Variants in PTPRG observed in about 807,000 individuals in gnomAD.
PTPRG encodes the protein receptor-type tyrosine-protein phosphatase gamma.
Under a neutral mutation model 165.3 loss-of-function variants are expected in PTPRG, and 102 were observed. That is an observed-to-expected ratio of 0.62 (90% CI 0.53 to 0.73). PTPRG has a LOEUF of 0.73. Ranked by LOEUF, PTPRG falls within the 30% of genes least tolerant of loss-of-function variation. PTPRG has a pLI of 0.00. For missense variants in PTPRG, 1,866 were observed against 1,861.4 expected, an observed-to-expected ratio of 1.00 and a Z score of -0.05; for synonymous variants, 675 against 669.5, an observed-to-expected ratio of 1.01 and a Z score of -0.13.
At chr3:61,738,238 T>C (rs1223243332) in intron 1 of PTPRG, among the ~76,000 whole-genome samples, 4 of 140,818 alleles carry the variant, frequency 2.8e-5, no homozygotes, top group African/African-American at 1.0e-4. Context: ...CACATTTAAA[T>C]AGGGCTTCTT....
intron 2 of PTPRG, among the ~76,000 whole-genome samples, chr3:61,766,254 C>G (rs868461152): frequency 1.3e-5 from 2 of 152,118 alleles, no homozygotes; most frequent in African/African-American, 4.8e-5. Context: ...CAGTTTCGAG[C>G]TCAAATTGGA....
At chr3:62,011,834 G>A (rs1435647516) in intron 4 of PTPRG, among the ~76,000 whole-genome samples, 6 of 152,166 alleles carry the variant, frequency 3.9e-5, no homozygotes, top group Admixed American at 1.3e-4. Context: ...AGTCCTCATC[G>A]CAGTCATCCT....
intron 4 of PTPRG, among the ~76,000 whole-genome samples, chr3:62,049,412 T>A (rs746055230): frequency 1.3e-5 from 2 of 152,184 alleles, no homozygotes; most frequent in Non-Finnish European, 2.9e-5. Flanking sequence ...TCTTATTCTG[T>A]TAAAAATGTC....
At position 62,026,430 on chromosome 3, in the gene PTPRG, T is replaced by C. The variant is rs557824368; in HGVS notation, c.519+22933T>C. Among the ~76,000 whole-genome samples the C allele has an allele frequency of 1.1e-3, 160 of 152,304 alleles. 1 individual carries two copies. Among genetic ancestry groups the C allele is most frequent in the African/African-American group, 3.7e-3 (153 of 41,580 alleles). On this transcript the variant is annotated intron_variant, in intron 4 of 29. Transcript: ENST00000474889. ...TTTATGGCTACCATGGGCACCTCCC[T>C]TCTGATCACCCAAGAGGCACAAAGA... is the stretch of plus-strand genomic sequence containing the variant.
At chr3:61,565,454 A>T (rs1481789485) in intron 1 of PTPRG, among the ~76,000 whole-genome samples, 2 of 152,038 alleles carry the variant, frequency 1.3e-5, no homozygotes, top group African/African-American at 4.8e-5. Context: ...TTCCTCCCCA[A>T]CACCTTATTA....
intron 1 of PTPRG, chr3:61,743,050 C>CA: frequency 2.5e-6 from 4 of 1,592,720 alleles, no homozygotes; most frequent in Non-Finnish European, 3.4e-6. Context: ...GCGCTGGTTC[C>CA]GGTGCAGGAC....
chr3:61,995,181 T>G (rs1187672650), intron 3 of PTPRG, among the ~76,000 whole-genome samples: 1 of 146,332 alleles, frequency 6.8e-6, no homozygotes, highest in East Asian at 2.1e-4. Flanking sequence ...CTCCGTCTCC[T>G]AGGTTCAAGT....
chr3:61,780,115 G>A lies in PTPRG; in HGVS notation c.190+31133G>A, dbSNP rs192541084. ...TGGCCAAAAAGCTTCATTGCCAGAC[G>A]TGGAAGTCACATATGAAACCCAAAT... On this transcript the variant is annotated intron_variant, in intron 2 of 29. Transcript: ENST00000474889. Among the ~76,000 whole-genome samples, 4 of 152,294 alleles carry A rather than the reference G, an allele frequency of 2.6e-5. No homozygotes were observed. In the East Asian group the frequency reaches 7.7e-4, roughly 29 times the overall value.
chr3:61,795,548 G>T (rs2035016999), intron 2 of PTPRG, among the ~76,000 whole-genome samples: 1 of 144,990 alleles, frequency 6.9e-6, no homozygotes, highest in African/African-American at 2.6e-5. Flanking sequence ...GCCGAGACAG[G>T]AGAATCACTT....
intron 28 of PTPRG, among the ~76,000 whole-genome samples, chr3:62,290,582 A>G (rs991595044): frequency 6.6e-6 from 1 of 152,154 alleles, no homozygotes; most frequent in Non-Finnish European, 1.5e-5. Context: ...AAAATAGACA[A>G]ACAGAATAAA....
intron 1 of PTPRG, among the ~76,000 whole-genome samples, chr3:61,719,188 T>C (rs1419600618): frequency 6.6e-6 from 1 of 152,216 alleles, no homozygotes; most frequent in Non-Finnish European, 1.5e-5. Flanking sequence ...GAGAGAAGAA[T>C]GGCAATTGGA....
At chr3:61,665,314 A>G (rs1406567303) in intron 1 of PTPRG, among the ~76,000 whole-genome samples, 2 of 151,404 alleles carry the variant, frequency 1.3e-5, no homozygotes, top group African/African-American at 2.5e-5. Flanking sequence ...TTTTAAATCT[A>G]TTGCACAAAG....
chr3:61,970,021 CATAG>C (rs1404862897), intron 2 of PTPRG, among the ~76,000 whole-genome samples: 2 of 152,168 alleles, frequency 1.3e-5, no homozygotes, highest in African/African-American at 2.4e-5. Context: ...AATCTTCAGC[CATAG>C]ATAGATTCCT....
At chr3:61,757,411 A>G (rs528784845) in intron 2 of PTPRG, among the ~76,000 whole-genome samples, 9 of 152,250 alleles carry the variant, frequency 5.9e-5, no homozygotes, top group South Asian at 2.1e-4. Flanking sequence ...CTTTGTAACA[A>G]TTTTGAGGGG....
chr3:62,108,607 G>A (rs1702557333), intron 5 of PTPRG, among the ~76,000 whole-genome samples: 1 of 152,160 alleles, frequency 6.6e-6, no homozygotes, highest in Admixed American at 6.5e-5. Flanking sequence ...CTAGACCCTT[G>A]AGGAATCACC....
chr3:62,020,263 A>G (rs1247512758), intron 4 of PTPRG, among the ~76,000 whole-genome samples: 2 of 152,190 alleles, frequency 1.3e-5, no homozygotes, highest in Non-Finnish European at 2.9e-5. Context: ...TAATTTTCCT[A>G]CTTGTACCTT....
intron 8 of PTPRG, among the ~76,000 whole-genome samples, chr3:62,174,392 T>C (rs1482291761): frequency 1.3e-5 from 2 of 152,252 alleles, no homozygotes. Context: ...GCTGCCTGCA[T>C]ACCCTCTAGG....
chr3:62,138,427 A>G (rs1203492854), intron 6 of PTPRG, among the ~76,000 whole-genome samples: 1 of 152,162 alleles, frequency 6.6e-6, no homozygotes, highest in Non-Finnish European at 1.5e-5. Flanking sequence ...CATGTTAAGA[A>G]ATGTGTGTGG....
At chr3:62,010,071 C>A (rs535491846) in intron 4 of PTPRG, among the ~76,000 whole-genome samples, 6 of 152,196 alleles carry the variant, frequency 3.9e-5, no homozygotes, top group African/African-American at 1.2e-4. Flanking sequence ...CCACACACCA[C>A]CGTGCCCAGC....
Sources: allele counts gnomAD v4.1 joint callset (sites outside exome capture counted in the v4.1 genomes callset), GRCh38; gene constraint gnomAD v4.1.1; transcripts MANE v1.5; gene names NCBI Gene and HGNC (gene_info 2026-07-23, HGNC 2026-07-21).